Variants in LSAMP observed in about 807,000 individuals in gnomAD.
LSAMP encodes the protein limbic system associated membrane protein.
LSAMP carries 7 observed loss-of-function variants against 38.6 expected under a neutral mutation model. That is an observed-to-expected ratio of 0.18 (90% confidence interval 0.10 to 0.34). The LOEUF is 0.34. Ranked by LOEUF, LSAMP falls within the 10% of genes least tolerant of loss-of-function variation. LSAMP has a pLI of 1.00. For missense variants in LSAMP, 313 were observed against 420.0 expected, an observed-to-expected ratio of 0.75 and a Z score of 2.23; for synonymous variants, 154 against 166.8, an observed-to-expected ratio of 0.92 and a Z score of 0.59.
At chr3:115,811,563 AGTGTGTGTGTGT>A (rs72037804) in intron 6 of LSAMP, among the ~76,000 whole-genome samples, 1 of 150,210 alleles carries the variant, frequency 6.7e-6, no homozygotes, top group Admixed American at 6.6e-5. Flanking sequence ...ATTATGTGTG[AGTGTGTGTGTGT>A]GTGTGTGTGT....
chr3:116,048,779 T>C (rs980566685), intron 2 of LSAMP, among the ~76,000 whole-genome samples: 1 of 152,188 alleles, frequency 6.6e-6, no homozygotes. Flanking sequence ...ATATAACTCA[T>C]CCTAGTCACA....
chr3:116,008,227 C>T (rs1940221137), intron 3 of LSAMP, among the ~76,000 whole-genome samples: 1 of 152,136 alleles, frequency 6.6e-6, no homozygotes, highest in South Asian at 2.1e-4. Flanking sequence ...GGTGAGTAGG[C>T]ATTCGATTAT....
chr3:116,355,174 AAT>A (rs1271692139), intron 1 of LSAMP, among the ~76,000 whole-genome samples: 5 of 152,266 alleles, frequency 3.3e-5, no homozygotes, highest in African/African-American at 1.2e-4. Flanking sequence ...AGATTTGAGT[AAT>A]ATCTGCAGTA....
intron 3 of LSAMP, among the ~76,000 whole-genome samples, chr3:115,960,042 A>G (rs1170628689): frequency 6.6e-6 from 1 of 152,124 alleles, no homozygotes; most frequent in Non-Finnish European, 1.5e-5. Context: ...ACCAAACTGA[A>G]GATTTGTGTC....
intron 1 of LSAMP, among the ~76,000 whole-genome samples, chr3:116,418,846 G>A (rs999639210): frequency 1.3e-5 from 2 of 151,874 alleles, no homozygotes; most frequent in Non-Finnish European, 2.9e-5. Flanking sequence ...TGCTAAAACC[G>A]CTTGAGCTCC....
chr3:116,080,572 AT>A (rs1707850284), intron 2 of LSAMP, among the ~76,000 whole-genome samples: 2 of 152,346 alleles, frequency 1.3e-5, no homozygotes, highest in East Asian at 3.9e-4. Flanking sequence ...TTAAAACTGC[AT>A]GAGGCAATAT....
intron 1 of LSAMP, among the ~76,000 whole-genome samples, chr3:116,121,907 C>A (rs1708885317): frequency 7.6e-6 from 1 of 132,292 alleles, no homozygotes; most frequent in South Asian, 2.4e-4. Flanking sequence ...TTTTTTTTAG[C>A]TCATCAGCTA....
chr3:116,290,106 A>G, intron 1 of LSAMP, among the ~76,000 whole-genome samples: 1 of 150,594 alleles, frequency 6.6e-6, no homozygotes, highest in East Asian at 2.0e-4. Context: ...GTATCAATCA[A>G]TCTGATGAAT....
chr3:116,200,107 C>G (rs1274547240), intron 1 of LSAMP, among the ~76,000 whole-genome samples: 1 of 150,940 alleles, frequency 6.6e-6, no homozygotes, highest in African/African-American at 2.5e-5. Flanking sequence ...CACACACACA[C>G]ACACACACAC....
chr3:116,125,625 A>G (rs935939470), intron 1 of LSAMP, among the ~76,000 whole-genome samples: 6 of 152,042 alleles, frequency 3.9e-5, no homozygotes, highest in Admixed American at 6.6e-5. Context: ...TTGCCTCCCT[A>G]TTTCAGTTGG....
intron 3 of LSAMP, among the ~76,000 whole-genome samples, chr3:115,913,045 A>G (rs928832655): frequency 3.9e-5 from 6 of 152,196 alleles, no homozygotes; most frequent in African/African-American, 1.4e-4. Flanking sequence ...TCAAAAGTGG[A>G]TTTCCCCAAG....
chr3:116,329,757 A>G (rs1288716090), intron 1 of LSAMP, among the ~76,000 whole-genome samples: 3 of 152,174 alleles, frequency 2.0e-5, no homozygotes, highest in African/African-American at 7.2e-5. Flanking sequence ...ACAGAGCAGA[A>G]TATCTAATTT....
At chr3:115,919,129 C>A (rs1036740675) in intron 3 of LSAMP, among the ~76,000 whole-genome samples, 1 of 152,142 alleles carries the variant, frequency 6.6e-6, no homozygotes, top group African/African-American at 2.4e-5. Flanking sequence ...CCTCCCTCCC[C>A]ACTCCTCACC....
chr3:116,248,981 A>G (rs2046639581), intron 1 of LSAMP, among the ~76,000 whole-genome samples: 1 of 152,004 alleles, frequency 6.6e-6, no homozygotes, highest in African/African-American at 2.4e-5. Context: ...CCCTGTCTCT[A>G]CTAAAAAATA....
chr3:116,164,561 T>C (rs1209649611), intron 1 of LSAMP, among the ~76,000 whole-genome samples: 3 of 93,026 alleles, frequency 3.2e-5, no homozygotes, highest in African/African-American at 1.1e-4. Context: ...CAACATGGGG[T>C]CACTAATCCA....
At chr3:115,969,140 G>T (rs529896158) in intron 3 of LSAMP, among the ~76,000 whole-genome samples, 7 of 152,152 alleles carry the variant, frequency 4.6e-5, no homozygotes, top group Non-Finnish European at 5.9e-5. Flanking sequence ...ATAAAACCAG[G>T]TACTGTGATT....
At chr3:116,382,568 G>A (rs963687927) in intron 1 of LSAMP, among the ~76,000 whole-genome samples, 3 of 151,708 alleles carry the variant, frequency 2.0e-5, no homozygotes, top group African/African-American at 7.3e-5. Flanking sequence ...ACAAGTTAAT[G>A]GGTGCAGCAC....
At chr3:116,091,788 A>T (rs2107434304) in intron 1 of LSAMP, among the ~76,000 whole-genome samples, 1 of 152,330 alleles carries the variant, frequency 6.6e-6, no homozygotes, top group East Asian at 1.9e-4. Context: ...CCAGGTTTAG[A>T]AAGAACCGGA....
At chr3:116,072,424 G>A (rs1707629396) in intron 2 of LSAMP, among the ~76,000 whole-genome samples, 1 of 152,110 alleles carries the variant, frequency 6.6e-6, no homozygotes, top group South Asian at 2.1e-4. Context: ...ACCCAGTAAT[G>A]AGATTGCTGG....
Sources: allele counts gnomAD v4.1 joint callset (sites outside exome capture counted in the v4.1 genomes callset), GRCh38; gene constraint gnomAD v4.1.1; transcripts MANE v1.5; gene names NCBI Gene and HGNC (gene_info 2026-07-23, HGNC 2026-07-21).